The following NME7 variants were observed in gnomAD, a reference collection of about 807,000 sequenced individuals.
NME7 encodes NME/NM23 family member 7.
A neutral mutation model predicts 49.1 loss-of-function variants in NME7; 41 were observed. The observed-to-expected ratio is 0.83, with a 90% confidence interval of 0.65 to 1.08. The LOEUF (loss-of-function observed/expected upper bound fraction) is 1.08. NME7 is among the 50% of genes least tolerant of loss of function. The pLI is 0.00. For synonymous variants in NME7, 139 were observed against 150.6 expected, an observed-to-expected ratio of 0.92 and a Z score of 0.56; for missense variants, 423 against 463.4, an observed-to-expected ratio of 0.91 and a Z score of 0.80.
intron 6 of NME7, among the ~76,000 whole-genome samples, chr1:169,288,387 C>G (rs1415891412): frequency 6.6e-6 from 1 of 152,066 alleles, no homozygotes. Flanking sequence ...TCAAGTCCTG[C>G]AGTCAGCCCT....
At chr1:169,165,138 G>A (rs1014071455) in intron 11 of NME7, among the ~76,000 whole-genome samples, 2 of 151,814 alleles carry the variant, frequency 1.3e-5, no homozygotes, top group Admixed American at 6.6e-5. Context: ...AAATTGACTG[G>A]GTCACAATTA....
chr1:169,201,534 T>C lies in NME7; in HGVS notation c.990+29184A>G, dbSNP rs898256489. Among the ~76,000 whole-genome samples, 4 of 152,146 alleles carry C rather than the reference T, an allele frequency of 2.6e-5. No homozygotes were observed. In the South Asian group the frequency reaches 8.3e-4, roughly 32 times the overall value. The stretch of plus-strand genomic sequence containing the variant: ...TCAATTAAGGTAGGGGAACTGGAAA[T>C]GGACAGAAAGGAATATTTACGAGAT... On this transcript the variant is annotated intron_variant, in intron 10 of 11. Coordinates refer to ENST00000367811, the MANE Select transcript of NME7 (RefSeq NM_013330.5).
At chr1:169,146,001 G>T (rs776767558) in intron 11 of NME7, among the ~76,000 whole-genome samples, 19 of 151,886 alleles carry the variant, frequency 1.3e-4, no homozygotes, top group South Asian at 1.2e-3. Context: ...TTGTGTGATG[G>T]TGAGGTTTGG....
At chr1:169,360,846 T>C (rs1357752099) in intron 1 of NME7, among the ~76,000 whole-genome samples, 2 of 119,678 alleles carry the variant, frequency 1.7e-5, no homozygotes, top group Non-Finnish European at 4.0e-5. Flanking sequence ...CGTTTATTTA[T>C]TCATGTAAAC....
Position 169,249,490 on chromosome 1 carries a change from T to C in NME7, c.755-11803A>G, listed in dbSNP as rs570178483. ...CCCTTTGTTTCTTATCCTTGCCTGATTGCTCTGGTTAGGACTTCCAGCACT... is the reference window on the plus strand; with the variant it reads ...CCCTTTGTTTCTTATCCTTGCCTGACTGCTCTGGTTAGGACTTCCAGCACT... On this transcript the variant is annotated intron_variant, in intron 7 of 11. Coordinates refer to ENST00000367811, the MANE Select transcript of NME7 (RefSeq NM_013330.5). Among the ~76,000 whole-genome samples the C allele has an allele frequency of 5.0e-4, 76 of 152,104 alleles. 1 individual carries two copies. The highest frequency in any genetic ancestry group is 1.0e-3 in the South Asian group (5 of 4,828).
chr1:169,278,792 G>T (rs1001417618), intron 7 of NME7, among the ~76,000 whole-genome samples: 1 of 152,122 alleles, frequency 6.6e-6, no homozygotes, highest in Non-Finnish European at 1.5e-5. Flanking sequence ...TTTCTGCTGT[G>T]TTTTTTCCCC....
chr1:169,344,481 A>C (rs1314236243), intron 1 of NME7, among the ~76,000 whole-genome samples: 5 of 152,176 alleles, frequency 3.3e-5, no homozygotes, highest in African/African-American at 7.2e-5. Flanking sequence ...GAAAGCATTC[A>C]CACTTGCCAT....
Position 169,323,303 on chromosome 1 carries a change from T to C in NME7, c.112-20A>G, listed in dbSNP as rs1651926222. 6.8e-7 allele frequency: 1 copy of C among 1,479,318 alleles called. No homozygotes were observed. Among genetic ancestry groups the C allele is most frequent in the South Asian group, 1.5e-5 (1 of 64,992 alleles). The allele number at this position is 1,479,318 out of a possible 1,614,324, so 91.6% of individuals were successfully genotyped here. Reference sequence around the variant, plus strand: ...ATCATGCTAGAACCAGACACAACAATATAACAAACAAACAAAAAAAGTTAT... The same window carrying C: ...ATCATGCTAGAACCAGACACAACAACATAACAAACAAACAAAAAAAGTTAT... On this transcript the variant is annotated intron_variant, in intron 2 of 11. Coordinates refer to ENST00000367811, the MANE Select transcript of NME7 (RefSeq NM_013330.5).
intron 7 of NME7, among the ~76,000 whole-genome samples, chr1:169,278,592 AT>A: frequency 6.6e-6 from 1 of 151,986 alleles, no homozygotes; most frequent in Non-Finnish European, 1.5e-5. Flanking sequence ...ATTCGTCGAA[AT>A]TTTTTTCAAA....
chr1:169,254,863 G>A (rs992511304), intron 7 of NME7, among the ~76,000 whole-genome samples: 2,358 of 129,516 alleles, frequency 0.018, 296 homozygotes, highest in African/African-American at 0.058. Flanking sequence ...TTTCCATGTA[G>A]TTGAGCGGTT....
rs1393255864 is a variant in NME7 at position 169,367,737 on chromosome 1, T to C, written c.-27A>G. On this transcript the variant is annotated 5_prime_UTR_variant, in exon 1 of 12. Transcript: ENST00000367811. ...GTCTCAGGATCTCAGCACTAGAAAA[T>C]AGGTATCGTTGAGACAGGAAGACAC... 2.5e-6 allele frequency: 4 copies of C among 1,613,622 alleles called. No homozygotes were observed. The highest frequency in any genetic ancestry group is 3.4e-6 in the Non-Finnish European group (4 of 1,179,908).
intron 3 of NME7, among the ~76,000 whole-genome samples, chr1:169,317,065 T>C (rs574529959): frequency 6.6e-6 from 1 of 152,150 alleles, no homozygotes; most frequent in African/African-American, 2.4e-5. Flanking sequence ...TCACAGCATA[T>C]TTCAATGTAC....
rs544517085 is a variant in NME7, at chr1:169,363,066, C to T, written c.3+4642G>A. Among the ~76,000 whole-genome samples, 538 of 146,746 alleles carry T rather than the reference C, an allele frequency of 3.7e-3. 3 individuals carry two copies. Among genetic ancestry groups the T allele is most frequent in the African/African-American group, 0.012 (503 of 40,812 alleles). On this transcript the variant is annotated intron_variant, in intron 1 of 11. Coordinates refer to ENST00000367811, the MANE Select transcript of NME7 (RefSeq NM_013330.5). Reference sequence around the variant, plus strand: ...ACCAGGCTGGGCAGCATAGTGAGACCCTGTCTCTGAAAAAAAAAAAAAATT... The same window carrying T: ...ACCAGGCTGGGCAGCATAGTGAGACTCTGTCTCTGAAAAAAAAAAAAAATT...
chr1:169,138,905 T>C (rs1156860904), intron 11 of NME7, among the ~76,000 whole-genome samples: 1 of 152,210 alleles, frequency 6.6e-6, no homozygotes, highest in African/African-American at 2.4e-5. Flanking sequence ...TCTTTGCTAA[T>C]ATAACTAAAG....
intron 1 of NME7, among the ~76,000 whole-genome samples, chr1:169,337,523 C>G (rs1291028194): frequency 6.6e-6 from 1 of 152,174 alleles, no homozygotes; most frequent in Non-Finnish European, 1.5e-5. Context: ...GAAAGGAGCT[C>G]CCACAGCGCA....
intron 7 of NME7, among the ~76,000 whole-genome samples, chr1:169,249,235 T>G (rs888478532): frequency 1.3e-5 from 2 of 152,088 alleles, no homozygotes; most frequent in African/African-American, 4.8e-5. Flanking sequence ...TAATTTATTT[T>G]TTTCCAGCTG....
intron 1 of NME7, among the ~76,000 whole-genome samples, chr1:169,353,191 A>C (rs1653244357): frequency 6.6e-6 from 1 of 152,132 alleles, no homozygotes; most frequent in Non-Finnish European, 1.5e-5. Flanking sequence ...TGGCATAAAA[A>C]CAGACACATA....
chr1:169,244,404 T>G lies in NME7; in HGVS notation c.755-6717A>C, dbSNP rs549695108. Among the ~76,000 whole-genome samples, 10 of 150,598 alleles carry G rather than the reference T, an allele frequency of 6.6e-5. No individual in the cohort carries two copies. In the East Asian group the frequency reaches 1.4e-3, roughly 21 times the overall value. On this transcript the variant is annotated intron_variant, in intron 7 of 11. Transcript: ENST00000367811. ...TCCCAGCACTTTGGGAGGCCAAAGG[T>G]GGGAGGATGATGAGATCAGGAGATC...
At chr1:169,318,855 A>T (rs927180171) in intron 3 of NME7, among the ~76,000 whole-genome samples, 1 of 152,048 alleles carries the variant, frequency 6.6e-6, no homozygotes, top group Non-Finnish European at 1.5e-5. Flanking sequence ...TCTGAGAAAA[A>T]ATAGCCAGAG....
Sources: gnomAD v4.1 joint callset for allele counts (sites outside exome capture counted in the v4.1 genomes callset) on GRCh38, gnomAD v4.1.1 for gene constraint, MANE v1.5 for transcripts, NCBI Gene and HGNC (gene_info 2026-07-23, HGNC 2026-07-21) for gene names.